The following GREB1L variants were observed in gnomAD, a reference collection of about 807,000 sequenced individuals.
The protein encoded by GREB1L is GREB1 like retinoic acid receptor coactivator, also known as GREB1-like protein.
Under a neutral mutation model 200.8 loss-of-function variants are expected in GREB1L, and 17 were observed. The ratio of observed to expected loss-of-function variants is 0.08; its 90% CI spans 0.06 to 0.13. The LOEUF is 0.13. GREB1L is among the 10% of genes least tolerant of loss of function. The probability of loss-of-function intolerance (pLI) is 1.00; values close to 1 mark genes in which losing one functional copy is unlikely to be tolerated. For missense variants in GREB1L, 1,657 were observed against 2,367.7 expected (o/e 0.70, Z 6.23); for synonymous variants, 789 against 893.0 (o/e 0.88, Z 2.08).
chr18:21,454,632 G>A (rs1407324173), intron 15 of GREB1L, 69 bp downstream of exon 15: 1 of 1,199,084 alleles, frequency 8.3e-7, no homozygotes, highest in Non-Finnish European at 1.2e-6. Context: ...TCTTTCTTTT[G>A]CTTAATCCAA....
intron 1 of GREB1L, among the ~76,000 whole-genome samples, chr18:21,340,214 A>G (rs945349537): frequency 5.9e-5 from 9 of 152,254 alleles, no homozygotes; most frequent in African/African-American, 1.9e-4. Context: ...TCAGGAGATC[A>G]AGACCATCTT....
intron 17 of GREB1L, among the ~76,000 whole-genome samples, chr18:21,481,002 A>G (rs1170870930): frequency 1.3e-5 from 2 of 152,184 alleles, no homozygotes; most frequent in Non-Finnish European, 2.9e-5. Context: ...CATGGGTGAC[A>G]GATTAAAAAA....
intron 1 of GREB1L, among the ~76,000 whole-genome samples, chr18:21,297,053 C>T (rs4377239): frequency 0.14 from 20,814 of 152,032 alleles, 1,918 homozygotes; most frequent in East Asian, 0.34. Context: ...AGTCTCTTTA[C>T]GTAGAATGTG....
At chr18:21,323,270 G>A (rs1052922990) in intron 1 of GREB1L, among the ~76,000 whole-genome samples, 1 of 152,006 alleles carries the variant, frequency 6.6e-6, no homozygotes, top group Non-Finnish European at 1.5e-5. Context: ...CTGGGTGACA[G>A]AGTGAGACCC....
At chr18:21,328,616 C>G (rs2039060493) in intron 1 of GREB1L, among the ~76,000 whole-genome samples, 1 of 152,078 alleles carries the variant, frequency 6.6e-6, no homozygotes, top group African/African-American at 2.4e-5. Context: ...TCTGTTGGAC[C>G]TGCTCCTTTC....
At chr18:21,465,797 A>T (rs967413232) in intron 15 of GREB1L, among the ~76,000 whole-genome samples, 1 of 152,180 alleles carries the variant, frequency 6.6e-6, no homozygotes, top group Non-Finnish European at 1.5e-5. Flanking sequence ...GATCAAATTT[A>T]TAAAGGATAT....
intron 15 of GREB1L, among the ~76,000 whole-genome samples, chr18:21,468,203 A>G (rs1353121664): frequency 6.6e-6 from 1 of 152,224 alleles, no homozygotes; most frequent in East Asian, 1.9e-4. Flanking sequence ...AATATTAACA[A>G]TAAAGAGAAA....
chr18:21,285,312 A>G (rs1598629885), intron 1 of GREB1L, among the ~76,000 whole-genome samples: 1 of 152,134 alleles, frequency 6.6e-6, no homozygotes, highest in East Asian at 1.9e-4. Context: ...CCGTTGCCTA[A>G]TCCAAGGTCA....
chr18:21,307,374 T>C (rs560547124), intron 1 of GREB1L, among the ~76,000 whole-genome samples: 92 of 152,350 alleles, frequency 6.0e-4, no homozygotes, highest in African/African-American at 2.1e-3. Flanking sequence ...ACTGTTTCTC[T>C]GTTATTTGAA....
chr18:21,384,768 C>T (rs1024790525), intron 4 of GREB1L, among the ~76,000 whole-genome samples: 5 of 151,804 alleles, frequency 3.3e-5, no homozygotes, highest in African/African-American at 9.7e-5. Flanking sequence ...ATTCCCTCTT[C>T]GTACTTCTTT....
chr18:21,478,830 T>C (rs903866806), intron 17 of GREB1L, among the ~76,000 whole-genome samples: 1 of 152,176 alleles, frequency 6.6e-6, no homozygotes, highest in Non-Finnish European at 1.5e-5. Flanking sequence ...GCTGGGTTGC[T>C]CTGACAAAGA....
chr18:21,295,804 G>A (rs2038517910), intron 1 of GREB1L, among the ~76,000 whole-genome samples: 1 of 152,224 alleles, frequency 6.6e-6, no homozygotes, highest in South Asian at 2.1e-4. Flanking sequence ...AGGGACAAAG[G>A]CACAGGGTAG....
rs1284824983 is a variant in GREB1L, at chr18:21,451,984, A to G, written c.1850-99A>G. 6 of 1,119,182 alleles carry G rather than the reference A, an allele frequency of 5.4e-6. No homozygotes were observed. The Admixed American group carries it at 7.5e-5, about 14-fold the overall frequency. 69.3% of individuals were successfully genotyped at this position (1,119,182 alleles called of 1,614,324 possible). ...GATATGAATTGCTGGCTGACCAACAAATCTACTGAGAACAGCCTAACTGCC... is the reference window on the plus strand; with the variant it reads ...GATATGAATTGCTGGCTGACCAACAGATCTACTGAGAACAGCCTAACTGCC... On this transcript the variant is annotated intron_variant, in intron 13 of 32. Coordinates refer to ENST00000424526, the MANE Select transcript of GREB1L (RefSeq NM_001142966.3).
At chr18:21,488,985 T>C (rs917084567) in intron 18 of GREB1L, among the ~76,000 whole-genome samples, 2 of 152,154 alleles carry the variant, frequency 1.3e-5, no homozygotes, top group African/African-American at 4.8e-5. Context: ...ATTTTATTTT[T>C]ATTCAGCAGC....
chr18:21,404,037 A>T, intron 7 of GREB1L, 43 bp downstream of exon 7: 1 of 1,512,694 alleles, frequency 6.6e-7, no homozygotes, highest in Non-Finnish European at 9.0e-7. Flanking sequence ...TCACATGTAT[A>T]TTTAATGAGA....
At chr18:21,347,375 C>G (rs2039363199) in intron 1 of GREB1L, among the ~76,000 whole-genome samples, 1 of 152,112 alleles carries the variant, frequency 6.6e-6, no homozygotes. Flanking sequence ...CAGCTTTCAC[C>G]ACACTGTTCT....
In GREB1L at chr18:21,374,935, C is replaced by T. The variant is rs550570900; in HGVS notation, c.-9-8575C>T. Among the ~76,000 whole-genome samples, 6 of 150,898 alleles carry T rather than the reference C, an allele frequency of 4.0e-5. No homozygotes were observed. The South Asian group carries it at 1.3e-3, about 32-fold the overall frequency. On this transcript the variant is annotated intron_variant, in intron 2 of 32. Transcript: ENST00000424526. ...TGGCATGATCATGACTCACTGCAGC[C>T]TCAACTTCTGGGCTCAAGCAGTTCT... is the stretch of plus-strand genomic sequence containing the variant.
intron 7 of GREB1L, among the ~76,000 whole-genome samples, chr18:21,431,425 C>G (rs1299766729): frequency 6.6e-6 from 1 of 152,020 alleles, no homozygotes; most frequent in Non-Finnish European, 1.5e-5. Context: ...TTGTGAATTT[C>G]TTAAATTTTC....
intron 32 of GREB1L, among the ~76,000 whole-genome samples, chr18:21,521,401 G>A (rs1598966684): frequency 6.6e-6 from 1 of 151,278 alleles, no homozygotes; most frequent in South Asian, 2.1e-4. Flanking sequence ...ACTGGCCTAA[G>A]AACAAACTAA....
Sources: allele counts gnomAD v4.1 joint callset (sites outside exome capture counted in the v4.1 genomes callset), GRCh38; gene constraint gnomAD v4.1.1; transcripts MANE v1.5; gene names NCBI Gene and HGNC (gene_info 2026-07-23, HGNC 2026-07-21).